The following ASIC2 variants were observed in gnomAD, a reference collection of about 807,000 sequenced individuals.
ASIC2 encodes acid-sensing ion channel 2.
Under a neutral mutation model 57.3 loss-of-function variants are expected in ASIC2, and 25 were observed. The observed-to-expected ratio is 0.44, with a 90% CI of 0.32 to 0.61. The LOEUF (loss-of-function observed/expected upper bound fraction) is 0.61, where lower values mean the gene tolerates loss of function less well. Ranked by LOEUF, ASIC2 falls within the 20% of genes least tolerant of loss-of-function variation. ASIC2 has a pLI of 0.06. For synonymous variants in ASIC2, 319 were observed against 307.5 expected (o/e 1.04, Z -0.39); for missense variants, 641 against 738.1 (o/e 0.87, Z 1.52).
At chr17:33,267,028 G>C (rs1284387230) in intron 1 of ASIC2, among the ~76,000 whole-genome samples, 1 of 152,108 alleles carries the variant, frequency 6.6e-6, no homozygotes, top group East Asian at 1.9e-4. Flanking sequence ...AAATTTTAGG[G>C]GTAATCAGTT....
chr17:33,909,831 C>T (rs929683151), intron 1 of ASIC2, among the ~76,000 whole-genome samples: 7 of 152,136 alleles, frequency 4.6e-5, no homozygotes, highest in Admixed American at 1.3e-4. Context: ...AAAGAGGCTG[C>T]GTTTCTTTGA....
chr17:33,806,300 T>A (rs528949515), intron 1 of ASIC2, among the ~76,000 whole-genome samples: 1 of 152,312 alleles, frequency 6.6e-6, no homozygotes, highest in East Asian at 1.9e-4. Context: ...CCAAGAAAAG[T>A]TTATGAATAC....
chr17:33,545,037 A>C (rs1253777813), intron 1 of ASIC2, among the ~76,000 whole-genome samples: 4 of 152,020 alleles, frequency 2.6e-5, no homozygotes, highest in African/African-American at 9.7e-5. Flanking sequence ...CCCTCTACCC[A>C]CCCAGTTGAA....
At chr17:33,446,986 C>T (rs1039754718) in intron 1 of ASIC2, among the ~76,000 whole-genome samples, 3 of 152,180 alleles carry the variant, frequency 2.0e-5, no homozygotes, top group African/African-American at 2.4e-5. Flanking sequence ...ATAAACTGAA[C>T]GTCACTATTT....
chr17:33,644,558 G>A lies in ASIC2; in HGVS notation c.555+511420C>T, dbSNP rs377335228. 3.9e-4 allele frequency among the ~76,000 whole-genome samples: 60 copies of A among 152,254 alleles called. No individual in the cohort carries two copies. The South Asian group carries it at 0.012, about 31-fold the overall frequency. On this transcript the variant is annotated intron_variant, in intron 1 of 9. Transcript: ENST00000359872. ...CAAGCCTTTGAATAACTGAAGGAAT[G>A]TCTCACAGAAACATAACCTTTCTTG...
chr17:33,374,883 G>A (rs1169360877), intron 1 of ASIC2, among the ~76,000 whole-genome samples: 5 of 152,066 alleles, frequency 3.3e-5, no homozygotes, highest in Non-Finnish European at 5.9e-5. Flanking sequence ...AGATGATCTC[G>A]TTTACTTTGA....
At chr17:33,789,598 A>G (rs1364408516) in intron 1 of ASIC2, among the ~76,000 whole-genome samples, 1 of 152,050 alleles carries the variant, frequency 6.6e-6, no homozygotes, top group Non-Finnish European at 1.5e-5. Context: ...GTATATTTTG[A>G]TAACATTTGC....
At chr17:33,538,791 G>A (rs1454950426) in intron 1 of ASIC2, among the ~76,000 whole-genome samples, 2 of 152,202 alleles carry the variant, frequency 1.3e-5, no homozygotes, top group Admixed American at 1.3e-4. Flanking sequence ...GAAGAGGCAT[G>A]CCCATGGCAT....
At chr17:33,238,985 C>T (rs1277193230) in intron 1 of ASIC2, among the ~76,000 whole-genome samples, 4 of 151,588 alleles carry the variant, frequency 2.6e-5, no homozygotes, top group African/African-American at 7.3e-5. Context: ...GCCTGAATGA[C>T]AGAGAGAGAC....
chr17:33,575,785 GC>G (rs1162289309), intron 1 of ASIC2, among the ~76,000 whole-genome samples: 1 of 152,154 alleles, frequency 6.6e-6, no homozygotes, highest in African/African-American at 2.4e-5. Flanking sequence ...GGGCAGAGGG[GC>G]AGGCTATCAG....
intron 1 of ASIC2, among the ~76,000 whole-genome samples, chr17:33,786,109 C>T (rs1004220032): frequency 6.6e-5 from 10 of 152,142 alleles, no homozygotes; most frequent in African/African-American, 2.4e-4. Context: ...TCAGCTTTCT[C>T]ATCTGTGCCC....
chr17:33,696,496 CA>C (rs1375304542), intron 1 of ASIC2, among the ~76,000 whole-genome samples: 1 of 152,176 alleles, frequency 6.6e-6, no homozygotes, highest in Non-Finnish European at 1.5e-5. Flanking sequence ...TAACATACAA[CA>C]AAGAAGACCG....
intron 1 of ASIC2, among the ~76,000 whole-genome samples, chr17:34,081,514 T>C (rs772564917): frequency 1.3e-5 from 2 of 152,092 alleles, no homozygotes; most frequent in Non-Finnish European, 2.9e-5. Flanking sequence ...CACAGGAAAT[T>C]AAGACAATAT....
rs534205198 is a variant in ASIC2, at chr17:33,364,214, A to G, written c.556-252147T>C. The stretch of plus-strand genomic sequence containing the variant: ...AGGCTACTTAGAGGCAAGTTACCAT[A>G]ACCAACTGACTTTGGCCAAGACACA... On this transcript the variant is annotated intron_variant, in intron 1 of 9. Coordinates refer to the ASIC2 transcript ENST00000359872. Among the ~76,000 whole-genome samples the G allele has an allele frequency of 2.6e-5, 4 of 152,282 alleles. No individual in the cohort carries two copies. The South Asian group carries it at 8.3e-4, about 32-fold the overall frequency.
chr17:33,800,816 T>C (rs1378834092), intron 1 of ASIC2, among the ~76,000 whole-genome samples: 1 of 152,204 alleles, frequency 6.6e-6, no homozygotes, highest in Non-Finnish European at 1.5e-5. Flanking sequence ...TATCCTGCTA[T>C]CAACTTTTCA....
intron 1 of ASIC2, among the ~76,000 whole-genome samples, chr17:33,895,593 A>T (rs191266599): frequency 1.3e-5 from 2 of 152,312 alleles, no homozygotes; most frequent in East Asian, 3.9e-4. Flanking sequence ...AATAAAGCCA[A>T]TTTTGCCTCT....
intron 1 of ASIC2, among the ~76,000 whole-genome samples, chr17:33,660,050 C>T (rs1209663376): frequency 6.6e-6 from 1 of 151,948 alleles, no homozygotes; most frequent in Admixed American, 6.5e-5. Flanking sequence ...TGCCACTGCA[C>T]TCCAGCCTGG....
intron 2 of ASIC2, among the ~76,000 whole-genome samples, chr17:33,092,632 G>A (rs1436685886): frequency 6.6e-6 from 1 of 152,232 alleles, no homozygotes; most frequent in South Asian, 2.1e-4. Context: ...GGGAAGGGAA[G>A]TGACTTGCCC....
chr17:33,806,153 A>T (rs1176276673), intron 1 of ASIC2, among the ~76,000 whole-genome samples: 2 of 152,140 alleles, frequency 1.3e-5, no homozygotes, highest in Admixed American at 6.5e-5. Context: ...GGATAAGTGA[A>T]TTTTTTCTGT....
Sources: allele counts gnomAD v4.1 joint callset (sites outside exome capture counted in the v4.1 genomes callset), GRCh38; gene constraint gnomAD v4.1.1; transcripts MANE v1.5; gene names NCBI Gene and HGNC (gene_info 2026-07-23, HGNC 2026-07-21).